The following BLTP3A variants were observed in gnomAD, a reference collection of about 807,000 sequenced individuals.
BLTP3A encodes the protein ICBP90 binding protein 1.
the BLTP3A span, among the ~76,000 whole-genome samples, chr6:34,844,261 C>T: frequency 1.3e-5 from 2 of 151,666 alleles, no homozygotes; most frequent in East Asian, 1.9e-4. Context: ...GGATTACAGG[C>T]GTGAGCCACC....
At chr6:34,792,350 A>G in the BLTP3A span, 1 of 1,442,048 alleles carries the variant, frequency 6.9e-7, no homozygotes, top group Non-Finnish European at 9.2e-7. Flanking sequence ...ACCCTCTCCG[A>G]CCTCCTCCCT....
the BLTP3A span, among the ~76,000 whole-genome samples, chr6:34,853,996 G>A: frequency 6.6e-6 from 1 of 152,164 alleles, no homozygotes; most frequent in Non-Finnish European, 1.5e-5. Flanking sequence ...GGCCGAGGTG[G>A]GTGGATCACG....
At chr6:34,863,772 C>T in the BLTP3A span, among the ~76,000 whole-genome samples, 3 of 152,224 alleles carry the variant, frequency 2.0e-5, no homozygotes, top group Non-Finnish European at 4.4e-5. Flanking sequence ...GATATGAGAG[C>T]GCTGTCCATG....
At chr6:34,864,522 C>CTTTTTTTT in the BLTP3A span, among the ~76,000 whole-genome samples, 1 of 109,448 alleles carries the variant, frequency 9.1e-6, no homozygotes, top group Non-Finnish European at 1.8e-5. Flanking sequence ...TGCTTATAGT[C>CTTTTTTTT]TTTTTTTTTT....
At chr6:34,873,665 G>A in the BLTP3A span, 5 of 152,050 alleles carry the variant, frequency 3.3e-5, no homozygotes, top group Non-Finnish European at 5.9e-5. Flanking sequence ...TTGGACAGAC[G>A]TTCATCAGCT....
chr6:34,812,801 T>C, the BLTP3A span, among the ~76,000 whole-genome samples: 3 of 152,318 alleles, frequency 2.0e-5, no homozygotes, highest in South Asian at 2.1e-4. Context: ...ACCTCTAAGA[T>C]TGAATGGCTT....
the BLTP3A span, among the ~76,000 whole-genome samples, chr6:34,838,528 C>G: frequency 1.2e-4 from 19 of 152,194 alleles, no homozygotes; most frequent in Non-Finnish European, 1.5e-5. Flanking sequence ...GTCTCCAAAC[C>G]AATAAGATAG....
At chr6:34,824,485 A>G in the BLTP3A span, among the ~76,000 whole-genome samples, 64,256 of 147,772 alleles carry the variant, frequency 0.43, 15,735 homozygotes, top group African/African-American at 0.67. Context: ...TTGAACCCGG[A>G]AGGTGGAGAT....
At chr6:34,805,802 T>C in the BLTP3A span, among the ~76,000 whole-genome samples, 1 of 149,190 alleles carries the variant, frequency 6.7e-6, no homozygotes, top group Non-Finnish European at 1.5e-5. Context: ...AAGTAAGCAA[T>C]TATTAAATGT....
At chr6:34,865,090 T>C in the BLTP3A span, among the ~76,000 whole-genome samples, 2 of 152,226 alleles carry the variant, frequency 1.3e-5, no homozygotes, top group South Asian at 4.1e-4. Flanking sequence ...TGTGGGATTT[T>C]TGAGCCAAAC....
chr6:34,813,540 C>T, the BLTP3A span, among the ~76,000 whole-genome samples: 8 of 152,202 alleles, frequency 5.3e-5, no homozygotes, highest in Non-Finnish European at 1.2e-4. Context: ...AGCTTTTACA[C>T]TCTGTAACAG....
At chr6:34,851,621 A>G in the BLTP3A span, among the ~76,000 whole-genome samples, 1 of 152,266 alleles carries the variant, frequency 6.6e-6, no homozygotes, top group Non-Finnish European at 1.5e-5. Flanking sequence ...CATGGTGACC[A>G]CTGCCTGGCT....
the BLTP3A span, among the ~76,000 whole-genome samples, chr6:34,871,320 A>G: frequency 0.074 from 11,200 of 151,988 alleles, 613 homozygotes; most frequent in East Asian, 0.24. Context: ...GCTGTCAGAA[A>G]AGCCAGGGTT....
At chr6:34,864,034 C>T in the BLTP3A span, 1 of 1,611,602 alleles carries the variant, frequency 6.2e-7, no homozygotes, top group Non-Finnish European at 8.5e-7. Context: ...GAGGGGGTGG[C>T]AGCCCCAGTG....
the BLTP3A span, among the ~76,000 whole-genome samples, chr6:34,817,753 C>T: frequency 6.6e-6 from 1 of 152,054 alleles, no homozygotes; most frequent in Admixed American, 6.6e-5. Flanking sequence ...TATTTCATTA[C>T]TGAAAGCTGT....
chr6:34,859,017 AC>A, the BLTP3A span: 1 of 1,613,966 alleles, frequency 6.2e-7, no homozygotes, highest in African/African-American at 1.3e-5. Flanking sequence ...TGCATCCTGC[AC>A]CCGGTGCTGT....
chr6:34,856,386 ACT>A, the BLTP3A span: 6 of 1,613,772 alleles, frequency 3.7e-6, 1 homozygote, highest in South Asian at 2.2e-5. Flanking sequence ...CTTGGAGTAG[ACT>A]CTCTCTTTCG....
the BLTP3A span, among the ~76,000 whole-genome samples, chr6:34,796,790 G>GCC: frequency 2.0e-5 from 3 of 151,966 alleles, no homozygotes; most frequent in Admixed American, 6.6e-5. Context: ...TGCAACCTCT[G>GCC]CCCCCCCGAG....
At chr6:34,824,344 C>T in the BLTP3A span, among the ~76,000 whole-genome samples, 1 of 151,830 alleles carries the variant, frequency 6.6e-6, no homozygotes, top group Admixed American at 6.6e-5. Context: ...ACCAGCCTGG[C>T]TAACATGGTG....
Sources: allele counts gnomAD v4.1 joint callset (sites outside exome capture counted in the v4.1 genomes callset), GRCh38; gene constraint gnomAD v4.1.1; transcripts MANE v1.5; gene names NCBI Gene and HGNC (gene_info 2026-07-23, HGNC 2026-07-21).